The following CAMKMT variants were observed in gnomAD, a reference collection of about 807,000 sequenced individuals.
CAMKMT encodes calmodulin-lysine N-methyltransferase, also known as CaM KMT.
A neutral mutation model predicts 48.0 loss-of-function variants in CAMKMT; 53 were observed. The ratio of observed to expected loss-of-function variants is 1.10; its 90% CI spans 0.89 to 1.39. The LOEUF (loss-of-function observed/expected upper bound fraction) is 1.39, where lower values mean the gene tolerates loss of function less well. Ranked by LOEUF, CAMKMT falls within the 40% of genes most tolerant of loss-of-function variation. The pLI is 0.00. For synonymous variants in CAMKMT, 165 were observed against 152.3 expected (o/e 1.08, Z -0.61); for missense variants, 428 against 402.7 (o/e 1.06, Z -0.54).
intron 9 of CAMKMT, among the ~76,000 whole-genome samples, 177 bp from the exon 10 acceptor site, chr2:44,766,253 T>A (rs925404543): frequency 3.9e-5 from 6 of 152,240 alleles, no homozygotes; most frequent in African/African-American, 1.4e-4. Context: ...GATTCTTATA[T>A]GATATACATC....
chr2:44,697,641 A>G (rs1677026923), intron 3 of CAMKMT, among the ~76,000 whole-genome samples: 1 of 152,204 alleles, frequency 6.6e-6, no homozygotes, highest in South Asian at 2.1e-4. Flanking sequence ...TCCTAGTCAT[A>G]ATAAAATCAA....
chr2:44,461,442 G>C (rs1029498306), intron 3 of CAMKMT, among the ~76,000 whole-genome samples: 6 of 152,130 alleles, frequency 3.9e-5, no homozygotes, highest in Admixed American at 3.9e-4. Flanking sequence ...AAGTGGGTGA[G>C]GTGGGATTAA....
At chr2:44,599,283 C>G (rs1670844644) in intron 3 of CAMKMT, among the ~76,000 whole-genome samples, 3 of 152,074 alleles carry the variant, frequency 2.0e-5, no homozygotes, top group African/African-American at 7.3e-5. Flanking sequence ...TTCATAATAC[C>G]TGGCAGCTTT....
At chr2:44,550,857 G>A (rs565264576) in intron 3 of CAMKMT, 2 of 152,228 alleles carry the variant, frequency 1.3e-5, no homozygotes, top group South Asian at 2.1e-4. Flanking sequence ...CAAAGGAACT[G>A]TGGGTGTTCT....
At chr2:44,632,496 G>A (rs1672892188) in intron 3 of CAMKMT, among the ~76,000 whole-genome samples, 7 of 152,180 alleles carry the variant, frequency 4.6e-5, no homozygotes, top group Admixed American at 4.6e-4. Flanking sequence ...CAGTGAAACA[G>A]ATTAACATGT....
At chr2:44,581,606 T>A (rs1424771300) in intron 3 of CAMKMT, among the ~76,000 whole-genome samples, 1 of 152,246 alleles carries the variant, frequency 6.6e-6, no homozygotes, top group East Asian at 1.9e-4. Flanking sequence ...AATTATAACA[T>A]TCCAAAGCCC....
intron 2 of CAMKMT, among the ~76,000 whole-genome samples, chr2:44,383,131 C>T (rs897979006): frequency 6.8e-6 from 1 of 148,146 alleles, no homozygotes; most frequent in Non-Finnish European, 1.5e-5. Flanking sequence ...CCTACCTCCT[C>T]TTTTTTTTTT....
At chr2:44,465,179 G>A (rs1173281271) in intron 3 of CAMKMT, among the ~76,000 whole-genome samples, 3 of 152,114 alleles carry the variant, frequency 2.0e-5, no homozygotes, top group African/African-American at 7.2e-5. Flanking sequence ...TGTGATTTAA[G>A]TTATCAGTTT....
At chr2:44,486,131 A>T (rs1669205656) in intron 3 of CAMKMT, among the ~76,000 whole-genome samples, 1 of 151,984 alleles carries the variant, frequency 6.6e-6, no homozygotes, top group Admixed American at 6.6e-5. Context: ...CGCCTGGCTA[A>T]TCTTTGTATT....
rs538406485 is a variant in CAMKMT at position 44,746,046 on chromosome 2, G to A, written c.698+2350G>A. 2.2e-4 allele frequency among the ~76,000 whole-genome samples: 33 copies of A among 152,312 alleles called. No individual in the cohort carries two copies. In the South Asian group the frequency reaches 4.4e-3, roughly 20 times the overall value. On this transcript the variant is annotated intron_variant, in intron 8 of 10. Transcript: ENST00000378494. ...TCTCTTTAGACACTACCTCCAAGAC[G>A]AAACCTGAAATCCTCAGTGTCAGGA...
rs567932463 is a variant in CAMKMT at position 44,460,762 on chromosome 2, C to A, written c.376+70457C>A. On this transcript the variant is annotated intron_variant, in intron 3 of 10. Coordinates refer to ENST00000378494, the MANE Select transcript of CAMKMT (RefSeq NM_024766.5). ...TTGAGACAGAGTCTTGCTCTGTCAC[C>A]CAGGCTGGAGTGTGCAGTGGCATGA... 2.0e-5 allele frequency among the ~76,000 whole-genome samples: 3 copies of A among 148,058 alleles called. No individual in the cohort carries two copies. The South Asian group carries it at 6.5e-4, about 32-fold the overall frequency.
At chr2:44,495,540 A>G (rs1302183712) in intron 3 of CAMKMT, among the ~76,000 whole-genome samples, 1 of 152,252 alleles carries the variant, frequency 6.6e-6, no homozygotes, top group Non-Finnish European at 1.5e-5. Flanking sequence ...TCATGAAAAT[A>G]TATTGTTAAA....
At position 44,546,350 on chromosome 2, in the gene CAMKMT, G is replaced by C. The variant is rs116092568; in HGVS notation, c.376+156045G>C. On this transcript the variant is annotated intron_variant, in intron 3 of 10. Coordinates refer to ENST00000378494, the MANE Select transcript of CAMKMT (RefSeq NM_024766.5). ...CATTTTCTTCAGTGGTCACTTGTGT[G>C]ATGCATCTCTCCTGAGGTCTACATC... 7.0e-3 allele frequency among the ~76,000 whole-genome samples: 1,071 copies of C among 152,282 alleles called. 16 individuals are homozygous for C. Among genetic ancestry groups the C allele is most frequent in the African/African-American group, 0.024 (1,009 of 41,542 alleles).
At chr2:44,662,722 C>T (rs1389064355) in intron 3 of CAMKMT, among the ~76,000 whole-genome samples, 2 of 152,004 alleles carry the variant, frequency 1.3e-5, no homozygotes, top group Non-Finnish European at 2.9e-5. Flanking sequence ...CATCACCATG[C>T]CAGGTTAAAT....
intron 3 of CAMKMT, among the ~76,000 whole-genome samples, chr2:44,402,308 G>GCTGTCTAA (rs376947814): frequency 7.9e-5 from 11 of 139,804 alleles, no homozygotes; most frequent in Non-Finnish European, 1.2e-4. Flanking sequence ...CAGCTTGGGT[G>GCTGTCTAA]ACACAGCAAG....
At chr2:44,427,280 C>G (rs1195452694) in intron 3 of CAMKMT, among the ~76,000 whole-genome samples, 1 of 152,112 alleles carries the variant, frequency 6.6e-6, no homozygotes, top group Non-Finnish European at 1.5e-5. Context: ...TCCTCAAAAA[C>G]AAATGCAACA....
Position 44,634,401 on chromosome 2 carries a change from C to T in CAMKMT, c.377-69882C>T, listed in dbSNP as rs561429166. Among the ~76,000 whole-genome samples, 102 of 151,992 alleles carry T rather than the reference C, an allele frequency of 6.7e-4. 1 individual carries two copies. Among genetic ancestry groups the T allele is most frequent in the Admixed American group, 1.2e-3 (18 of 15,248 alleles). Reference sequence around the variant, plus strand: ...CTGCCTGTTGTCCAATAGCTGAAAACAATGGTTCGATATATTTTGTCCAGT... The same window carrying T: ...CTGCCTGTTGTCCAATAGCTGAAAATAATGGTTCGATATATTTTGTCCAGT... On this transcript the variant is annotated intron_variant, in intron 3 of 10. Coordinates refer to ENST00000378494, the MANE Select transcript of CAMKMT (RefSeq NM_024766.5).
At chr2:44,738,974 A>T (rs1679516842) in intron 7 of CAMKMT, among the ~76,000 whole-genome samples, 1 of 152,168 alleles carries the variant, frequency 6.6e-6, no homozygotes, top group Non-Finnish European at 1.5e-5. Flanking sequence ...GAACAGAACC[A>T]TGCTAGTATA....
chr2:44,594,733 A>C (rs1237692491), intron 3 of CAMKMT, among the ~76,000 whole-genome samples: 7 of 152,208 alleles, frequency 4.6e-5, no homozygotes, highest in Non-Finnish European at 7.3e-5. Flanking sequence ...AGGCAATGCC[A>C]TTCAGGACAT....
Sources: gnomAD v4.1 joint callset for allele counts (sites outside exome capture counted in the v4.1 genomes callset) on GRCh38, gnomAD v4.1.1 for gene constraint, MANE v1.5 for transcripts, NCBI Gene and HGNC (gene_info 2026-07-23, HGNC 2026-07-21) for gene names.